Variants in DDRGK1 observed in about 807,000 individuals in gnomAD.
DDRGK1 encodes the protein DDRGK domain containing 1.
A neutral mutation model predicts 45.8 loss-of-function variants in DDRGK1; 38 were observed. The observed-to-expected ratio is 0.83, with a 90% CI of 0.64 to 1.09. DDRGK1 has a LOEUF of 1.09. Among genes scored for constraint, DDRGK1 ranks in the 50% least tolerant of loss-of-function variants. The pLI, the probability that DDRGK1 is intolerant of heterozygous loss-of-function variation, is 0.00. For synonymous variants in DDRGK1, 171 were observed against 168.7 expected (o/e 1.01, Z -0.11); for missense variants, 403 against 419.9 (o/e 0.96, Z 0.35).
chr20:3,198,738 A>G (rs1463938374), intron 4 of DDRGK1, among the ~76,000 whole-genome samples: 1 of 142,680 alleles, frequency 7.0e-6, no homozygotes, highest in African/African-American at 2.6e-5. Context: ...AAATTCTGAT[A>G]AACTGTCATG....
chr20:3,194,970 T>C lies in DDRGK1; in HGVS notation c.634-102A>G, dbSNP rs2067003903. On this transcript the variant is annotated intron_variant, in intron 5 of 8. Transcript: ENST00000354488. The stretch of plus-strand genomic sequence containing the variant: ...CCTGCTCACTTGAGGGCCACCTGCC[T>C]GCAGCCTGCCTTTGGCCCGCCCAAC... 2.0e-6 allele frequency: 3 copies of C among 1,498,306 alleles called. No individual in the cohort carries two copies. The Admixed American group carries it at 5.8e-5, about 29-fold the overall frequency. The allele number at this position is 1,498,306 out of a possible 1,614,324, so 92.8% of individuals were successfully genotyped here. A position where few individuals can be genotyped will look rare whatever the true frequency, so the allele number is the denominator to read the frequency against.
rs758891572 is a variant in DDRGK1 at position 3,191,804 on chromosome 20, G to A, written c.690C>T (p.Leu230=). ...INYIKQSKVV[L]LEDLASQVGL... ...CCACCTGGGAAGCCAGGTCTTCCAA[G>A]AGCACAACCTTGGACTGCTACAAAA... Residue 230 remains leucine (L), a synonymous_variant, in exon 7 of 9, where the codon CTC becomes CTT. Transcript: ENST00000354488. 2 of 1,608,616 alleles carry A rather than the reference G, an allele frequency of 1.2e-6. No homozygotes were observed.
chr20:3,191,411 G>A (rs1396270023), intron 7 of DDRGK1, 173 bp from the exon 8 acceptor site: 7 of 724,714 alleles, frequency 9.7e-6, no homozygotes, highest in East Asian at 2.7e-5. Flanking sequence ...CTCTGGTCCT[G>A]GGCCCTGCAA....
At chr20:3,203,599 G>C (rs918851035) in intron 1 of DDRGK1, among the ~76,000 whole-genome samples, 183 bp from the exon 2 acceptor site, 8 of 152,202 alleles carry the variant, frequency 5.3e-5, no homozygotes, top group Non-Finnish European at 1.0e-4. Flanking sequence ...GGTCCCAGGC[G>C]GGGGCTCAGC....
rs773185457 is a variant in DDRGK1 at position 3,190,724 on chromosome 20, C to T, written c.874G>A (p.Ala292Thr). The T allele has an allele frequency of 1.1e-5, 18 of 1,613,986 alleles. No homozygotes were observed. Among genetic ancestry groups the T allele is most frequent in the East Asian group, 2.2e-5 (1 of 44,894 alleles). Residue 292 changes from alanine to threonine, a missense_variant, in exon 9 of 9, where the codon GCC (alanine) becomes ACC (threonine). Ala to Thr is a moderately conservative substitution (Grantham distance 58). Transcript: ENST00000354488. ...FIRQRGRVSI[A>T]ELAQASNSLI... ...GAGTTGCTGGCTTGGGCAAGCTCGG[C>T]GATGGACACCCGGCCCCGCTGTCGG...
chr20:3,191,306 C>T, intron 7 of DDRGK1, 68 bp from the exon 8 acceptor site: 2 of 1,516,552 alleles, frequency 1.3e-6, no homozygotes, highest in Non-Finnish European at 1.8e-6. Context: ...CTGAAACCTC[C>T]CTCCCACTAC....
At chr20:3,202,693 C>T (rs1191901063) in intron 2 of DDRGK1, among the ~76,000 whole-genome samples, 2 of 152,172 alleles carry the variant, frequency 1.3e-5, no homozygotes, top group Non-Finnish European at 2.9e-5. Flanking sequence ...TTCTGAGAAA[C>T]GCCCAGACGC....
In DDRGK1 at chr20:3,200,358, C is replaced by G; in HGVS notation, c.392G>C (p.Arg131Pro). ...KLRKLEEKQA[R>P]KAQREAEEAE... ...CCGGCTTGCCTCACGCTGGGCCTTT[C>G]GCGCTTGTTTCTCCTCCAGCTTCCG... is the stretch of plus-strand genomic sequence containing the variant. The change falls in exon 3 of 9, where the codon CGA becomes CCA. Residue 131 changes from arginine to proline, a missense_variant. Physicochemically the swap from Arg to Pro is moderately radical, Grantham distance 103 (BLOSUM62 -2). Transcript: ENST00000354488. The G allele has an allele frequency of 6.4e-7, 1 of 1,568,724 alleles. No individual in the cohort carries two copies. Among genetic ancestry groups the G allele is most frequent in the South Asian group, 1.2e-5 (1 of 85,206 alleles).
At position 3,204,633 on chromosome 20, in the gene DDRGK1, G is replaced by C. The variant is rs752491480; in HGVS notation, c.-6C>G. On this transcript the variant is annotated 5_prime_UTR_variant, in exon 1 of 9. Transcript: ENST00000354488. ...TACCACACAGGCGCCACCATGACGA[G>C]GGCCTCAGTGCAGAACCACTGCGTC... The C allele has an allele frequency of 2.5e-6, 4 of 1,576,104 alleles. No individual in the cohort carries two copies.
At chr20:3,193,844 C>T (rs763683646) in intron 6 of DDRGK1, among the ~76,000 whole-genome samples, 49 of 152,134 alleles carry the variant, frequency 3.2e-4, no homozygotes, top group Admixed American at 1.4e-3. Flanking sequence ...GGGAAGGCTT[C>T]CTGGGGAGGG....
chr20:3,197,153 G>A (rs918283167), intron 4 of DDRGK1, among the ~76,000 whole-genome samples: 1 of 147,596 alleles, frequency 6.8e-6, no homozygotes, highest in South Asian at 2.1e-4. Flanking sequence ...AACCTGGGAA[G>A]CGGAGGTTGC....
chr20:3,190,429 C>T lies in DDRGK1; in HGVS notation c.*224G>A, dbSNP rs144059388. The T allele has an allele frequency of 3.4e-5, 19 of 563,348 alleles. No homozygotes were observed. Among genetic ancestry groups the T allele is most frequent in the Non-Finnish European group, 5.6e-5 (18 of 323,002 alleles). 34.9% of individuals were successfully genotyped at this position (563,348 alleles called of 1,614,324 possible). A position where few individuals can be genotyped will look rare whatever the true frequency, so the allele number is the denominator to read the frequency against. ...CTTCACCAGCTTCCAAGGGACCCTC[C>T]CCACCTCTCGGATATATTCTGAAGC... On this transcript the variant is annotated 3_prime_UTR_variant, in exon 9 of 9. Coordinates refer to ENST00000354488, the MANE Select transcript of DDRGK1 (RefSeq NM_023935.3).
At chr20:3,199,139 A>G (rs765069169) in intron 4 of DDRGK1, among the ~76,000 whole-genome samples, 4 of 152,100 alleles carry the variant, frequency 2.6e-5, no homozygotes, top group Admixed American at 2.0e-4. Flanking sequence ...TGGGCAACGG[A>G]GCAAGACCCT....
At position 3,195,145 on chromosome 20, in the gene DDRGK1, G is replaced by A. The variant is rs114173649; in HGVS notation, c.633+86C>T. The A allele has an allele frequency of 1.4e-3, 2,294 of 1,601,076 alleles. 33 individuals carry two copies. In the African/African-American group the frequency reaches 0.025, roughly 18 times the overall value. On this transcript the variant is annotated intron_variant, in intron 5 of 8. Coordinates refer to ENST00000354488, the MANE Select transcript of DDRGK1 (RefSeq NM_023935.3). ...CACCTCTCACTGCCTGGCCAGGGGC[G>A]TCTGGGATGGGGTGGCTAGCCTTGC...
chr20:3,199,852 G>A (rs747420955), intron 4 of DDRGK1, 149 bp downstream of exon 4: 1 of 650,128 alleles, frequency 1.5e-6, no homozygotes, highest in Non-Finnish European at 2.5e-6. Flanking sequence ...CTAGGCTGTG[G>A]TGGAGCCTAG....
chr20:3,191,212 C>T lies in DDRGK1; in HGVS notation c.756G>A (p.Leu252=). The change falls in exon 8 of 9, where the codon CTG becomes CTA. Residue 252 remains leucine (L), a synonymous_variant. Transcript: ENST00000354488. ...CACCTGTTATAGTCCCCTCAGCCAG[C>T]AGGTCCTGGATGCGATTTATGGTGT... is the stretch of plus-strand genomic sequence containing the variant. ...TQDTINRIQD[L]LAEGTITGVI... The T allele has an allele frequency of 6.2e-7, 1 of 1,614,220 alleles. No individual in the cohort carries two copies.
At chr20:3,200,612 A>AGTGT (rs1391845167) in intron 2 of DDRGK1, among the ~76,000 whole-genome samples, 158 bp from the exon 3 acceptor site, 1 of 152,062 alleles carries the variant, frequency 6.6e-6, no homozygotes, top group Non-Finnish European at 1.5e-5. Flanking sequence ...ATCTGCCATG[A>AGTGT]GTGCGTGTGT....
intron 1 of DDRGK1, 104 bp downstream of exon 1, chr20:3,204,433 C>T (rs1217217625): frequency 8.2e-7 from 1 of 1,224,390 alleles, no homozygotes; most frequent in Admixed American, 2.3e-5. Flanking sequence ...TGCGTCCCGC[C>T]CGCCCAGGTG....
At position 3,204,523 on chromosome 20, in the gene DDRGK1, G is replaced by A. The variant is rs750015107; in HGVS notation, c.91+14C>T. 1.3e-6 allele frequency: 2 copies of A among 1,552,006 alleles called. No homozygotes were observed. The highest frequency in any genetic ancestry group is 2.7e-5 in the African/African-American group (2 of 73,920). ...ACCCGGTACCACCAACCCTGGTGCAGCGGCATCTCCTACCTGATGCCGCCC... is the reference window on the plus strand; with the variant it reads ...ACCCGGTACCACCAACCCTGGTGCAACGGCATCTCCTACCTGATGCCGCCC... On this transcript the variant is annotated intron_variant, in intron 1 of 8. Transcript: ENST00000354488.
Sources: allele counts gnomAD v4.1 joint callset (sites outside exome capture counted in the v4.1 genomes callset), GRCh38; gene constraint gnomAD v4.1.1; transcripts MANE v1.5; gene names NCBI Gene and HGNC (gene_info 2026-07-23, HGNC 2026-07-21).